Variants in AUTS2 observed in about 807,000 individuals in gnomAD.
AUTS2 encodes autism susceptibility gene 2 protein.
Under a neutral mutation model 112.4 loss-of-function variants are expected in AUTS2, and 17 were observed. The observed-to-expected ratio is 0.15, with a 90% CI of 0.10 to 0.23. The LOEUF (loss-of-function observed/expected upper bound fraction) is 0.23, where lower values mean the gene tolerates loss of function less well. AUTS2 is among the 10% of genes least tolerant of loss of function. The pLI is 1.00. For missense variants in AUTS2, 1,510 were observed against 1,701.6 expected (o/e 0.89, Z 1.98); for synonymous variants, 751 against 702.7 (o/e 1.07, Z -1.09).
chr7:70,656,836 C>G (rs922673899), intron 5 of AUTS2, among the ~76,000 whole-genome samples: 2 of 152,190 alleles, frequency 1.3e-5, no homozygotes, highest in Non-Finnish European at 2.9e-5. Flanking sequence ...CCAGATTTCT[C>G]AGGACATTTC....
At chr7:70,053,918 T>C (rs1184312440) in intron 2 of AUTS2, among the ~76,000 whole-genome samples, 3 of 152,150 alleles carry the variant, frequency 2.0e-5, no homozygotes, top group African/African-American at 4.8e-5. Context: ...TTCTGTGTGC[T>C]TTTGTGATAT....
chr7:69,872,711 A>G lies in AUTS2; in HGVS notation c.310-26575A>G, dbSNP rs953092341. Among the ~76,000 whole-genome samples, 20 of 151,988 alleles carry G rather than the reference A, an allele frequency of 1.3e-4. 1 individual carries two copies. Among genetic ancestry groups the G allele is most frequent in the African/African-American group, 4.8e-4 (20 of 41,372 alleles). ...ACCACTACAGTGGTTGGTAGGAAGT[A>G]GAACTTGTAGAAGGTGCAGTTAAAA... On this transcript the variant is annotated intron_variant, in intron 1 of 18. Coordinates refer to ENST00000342771, the MANE Select transcript of AUTS2 (RefSeq NM_015570.4).
At chr7:70,760,289 G>A (rs528868138) in intron 6 of AUTS2, among the ~76,000 whole-genome samples, 261 of 152,358 alleles carry the variant, frequency 1.7e-3, no homozygotes, top group Middle Eastern at 3.4e-3. Context: ...ACAGGCGTGA[G>A]CCACCGCACC....
chr7:69,771,147 T>G (rs1788646910), intron 1 of AUTS2, among the ~76,000 whole-genome samples: 1 of 152,194 alleles, frequency 6.6e-6, no homozygotes, highest in Non-Finnish European at 1.5e-5. Flanking sequence ...TTCTGCACAT[T>G]ACTGTGTAAA....
At chr7:70,513,108 G>A (rs1451267561) in intron 5 of AUTS2, among the ~76,000 whole-genome samples, 1 of 152,212 alleles carries the variant, frequency 6.6e-6, no homozygotes, top group Non-Finnish European at 1.5e-5. Context: ...ACAGGATTAG[G>A]GAGCCCTTTA....
chr7:69,934,211 A>G (rs186777507), intron 2 of AUTS2, among the ~76,000 whole-genome samples: 1 of 152,268 alleles, frequency 6.6e-6, no homozygotes, highest in Admixed American at 6.5e-5. Flanking sequence ...TCTAATCTAC[A>G]GAAGTGGAGG....
chr7:69,676,799 A>C (rs574189316), intron 1 of AUTS2, among the ~76,000 whole-genome samples: 1 of 144,374 alleles, frequency 6.9e-6, no homozygotes, highest in East Asian at 2.1e-4. Flanking sequence ...TTATTCCTGA[A>C]ACTCTGGTTT....
intron 1 of AUTS2, among the ~76,000 whole-genome samples, chr7:69,780,674 C>T (rs886964018): frequency 3.3e-5 from 5 of 152,148 alleles, no homozygotes; most frequent in East Asian, 1.9e-4. Context: ...AAAGGATGGT[C>T]TGTATTAGAG....
rs34149543 is a variant in AUTS2, at chr7:69,722,378, A to ATTTT, written c.309+122429_309+122432dup. Among the ~76,000 whole-genome samples the ATTTT allele has an allele frequency of 1.3e-4, 18 of 142,716 alleles. 1 individual carries two copies. The highest frequency in any genetic ancestry group is 2.6e-4 in the African/African-American group (10 of 38,782). The allele number at this position is 142,716 out of a possible 152,430, so 93.6% of individuals were successfully genotyped here. A position where few individuals can be genotyped will look rare whatever the true frequency, so the allele number is the denominator to read the frequency against. On this transcript the variant is annotated intron_variant, in intron 1 of 18. Transcript: ENST00000342771. ...GCAAATGGAGGTATTCTTATTCTAC[A>ATTTT]TTTTTTTTTTTTTTTTGAGACCAAG... is the stretch of plus-strand genomic sequence containing the variant.
intron 5 of AUTS2, among the ~76,000 whole-genome samples, chr7:70,569,939 G>C (rs906415950): frequency 6.6e-6 from 1 of 151,812 alleles, no homozygotes; most frequent in South Asian, 2.1e-4. Flanking sequence ...CAAGAAACTT[G>C]TTAAAACTCT....
intron 1 of AUTS2, among the ~76,000 whole-genome samples, chr7:69,653,836 G>T (rs1294211219): frequency 6.6e-6 from 1 of 152,086 alleles, no homozygotes; most frequent in Non-Finnish European, 1.5e-5. Context: ...CACCTCCTCT[G>T]CATCAGCCCA....
At chr7:69,937,370 T>C (rs944354208) in intron 2 of AUTS2, among the ~76,000 whole-genome samples, 1 of 152,184 alleles carries the variant, frequency 6.6e-6, no homozygotes, top group Non-Finnish European at 1.5e-5. Context: ...CTTGTCTCTT[T>C]TGTTCTGATC....
chr7:69,841,153 C>G (rs1008379), intron 1 of AUTS2, among the ~76,000 whole-genome samples: 38,197 of 152,106 alleles, frequency 0.25, 4,831 homozygotes, highest in Middle Eastern at 0.34. Context: ...TAACCTGAAT[C>G]TAACCAGGTG....
intron 1 of AUTS2, among the ~76,000 whole-genome samples, chr7:69,626,621 C>T (rs940513176): frequency 6.6e-6 from 1 of 152,108 alleles, no homozygotes; most frequent in Non-Finnish European, 1.5e-5. Flanking sequence ...AATTCTAGGC[C>T]TATCAGAGGT....
intron 5 of AUTS2, among the ~76,000 whole-genome samples, chr7:70,515,930 A>G (rs545853057): frequency 1.3e-5 from 2 of 152,200 alleles, no homozygotes; most frequent in Non-Finnish European, 2.9e-5. Context: ...TCAACTTATC[A>G]GCCCTAAACA....
At chr7:70,577,379 T>C (rs1013458498) in intron 5 of AUTS2, among the ~76,000 whole-genome samples, 16 of 152,234 alleles carry the variant, frequency 1.1e-4, no homozygotes, top group African/African-American at 3.6e-4. Flanking sequence ...TTTTTCCTTC[T>C]TTTCTACCAA....
intron 4 of AUTS2, among the ~76,000 whole-genome samples, chr7:70,405,399 A>G (rs1331443550): frequency 6.6e-6 from 1 of 152,230 alleles, no homozygotes; most frequent in African/African-American, 2.4e-5. Context: ...AGTCTGTGAA[A>G]TGGAAAGGAA....
At chr7:69,947,454 A>G (rs546822323) in intron 2 of AUTS2, among the ~76,000 whole-genome samples, 2 of 152,334 alleles carry the variant, frequency 1.3e-5, no homozygotes, top group Non-Finnish European at 2.9e-5. Context: ...GATCGTTGCT[A>G]ACGTCCAAAG....
intron 1 of AUTS2, among the ~76,000 whole-genome samples, chr7:69,893,832 A>AT (rs1244073313): frequency 1.3e-5 from 2 of 152,168 alleles, no homozygotes; most frequent in African/African-American, 4.8e-5. Context: ...TTCATCTGCT[A>AT]TTTGTTACTC....
Sources: allele counts gnomAD v4.1 joint callset (sites outside exome capture counted in the v4.1 genomes callset), GRCh38; gene constraint gnomAD v4.1.1; transcripts MANE v1.5; gene names NCBI Gene and HGNC (gene_info 2026-07-23, HGNC 2026-07-21).